RBBP5: variants seen among roughly 807,000 people sequenced by gnomAD.
The protein encoded by RBBP5 is RB binding protein 5, histone lysine methyltransferase complex subunit.
A neutral mutation model predicts 72.2 loss-of-function variants in RBBP5; 5 were observed. That is an observed-to-expected ratio of 0.07 (90% CI 0.04 to 0.15). The LOEUF (loss-of-function observed/expected upper bound fraction) is 0.15, where lower values mean the gene tolerates loss of function less well. Ranked by LOEUF, RBBP5 falls within the 10% of genes least tolerant of loss-of-function variation. The pLI, the probability that RBBP5 is intolerant of heterozygous loss-of-function variation, is 1.00. For missense variants in RBBP5, 322 were observed against 652.2 expected, an observed-to-expected ratio of 0.49 and a Z score of 5.51; for synonymous variants, 209 against 237.2, an observed-to-expected ratio of 0.88 and a Z score of 1.09.
At chr1:205,117,391 T>C in intron 1 of RBBP5, among the ~76,000 whole-genome samples, 1 of 151,958 alleles carries the variant, frequency 6.6e-6, no homozygotes, top group East Asian at 2.0e-4. Context: ...GCCCGTGTGG[T>C]GGCTCATGCC....
At chr1:205,115,775 A>C in intron 2 of RBBP5, 83 bp downstream of exon 2, 1 of 1,414,902 alleles carries the variant, frequency 7.1e-7, no homozygotes, top group East Asian at 2.5e-5. Context: ...TCAAAACACA[A>C]GGATCAAAAA....
intron 1 of RBBP5, 178 bp from the exon 2 acceptor site, chr1:205,116,061 C>A: frequency 7.7e-7 from 1 of 1,304,472 alleles, no homozygotes; most frequent in Non-Finnish European, 1.1e-6. Flanking sequence ...TGTTTACTCT[C>A]ATTATCTCGG....
At chr1:205,101,465 G>C in intron 6 of RBBP5, 135 bp downstream of exon 6, 1 of 573,920 alleles carries the variant, frequency 1.7e-6, no homozygotes, top group Non-Finnish European at 2.9e-6. Flanking sequence ...ACCAGATATT[G>C]TAAGTTTCTA....
chr1:205,106,580 AGAGT>A (rs925911544), intron 3 of RBBP5, among the ~76,000 whole-genome samples: 11 of 73,322 alleles, frequency 1.5e-4, no homozygotes, highest in Admixed American at 1.3e-3. Flanking sequence ...CCTAGGCAAC[AGAGT>A]GAGACTCTGT....
intron 10 of RBBP5, 31 bp downstream of exon 10, chr1:205,098,958 G>T: frequency 7.3e-7 from 1 of 1,375,494 alleles, no homozygotes; most frequent in Non-Finnish European, 9.9e-7. Flanking sequence ...TTTCCCTTTA[G>T]GAAATCCTGT....
chr1:205,100,058 T>G lies in RBBP5; in HGVS notation c.759A>C (p.Pro253=). 1 of 1,613,928 alleles carries G rather than the reference T, an allele frequency of 6.2e-7. No individual in the cohort carries two copies. The highest frequency in any genetic ancestry group is 8.5e-7 in the Non-Finnish European group (1 of 1,179,840). ...QKLQDLVNRT[P]WKKCCFSGDG... ...CCCCAGAGAAACAACATTTCTTCCA[T>G]GGGGTCCTAAAGGACAAGGAAAGTA... The change falls in exon 8 of 14, where the codon CCA becomes CCC. Residue 253 remains proline, a synonymous_variant. Coordinates refer to ENST00000264515, the MANE Select transcript of RBBP5 (RefSeq NM_005057.4).
rs1275234856 is a variant in RBBP5, at chr1:205,098,974, AT to A, written c.1096+14del. 6 of 1,485,674 alleles carry A rather than the reference AT, an allele frequency of 4.0e-6. No homozygotes were observed. The South Asian group carries it at 7.9e-5, about 19-fold the overall frequency. The allele number at this position is 1,485,674 out of a possible 1,614,324, so 92.0% of individuals were successfully genotyped here. ...TTCCCTTTAGGAAATCCTGTCTGCA[AT>A]TTAGAAATAGTACCTGTCTGCTCAG... On this transcript the variant is annotated intron_variant, in intron 10 of 13. Coordinates refer to ENST00000264515, the MANE Select transcript of RBBP5 (RefSeq NM_005057.4).
chr1:205,106,461 G>C (rs537155724), intron 3 of RBBP5, among the ~76,000 whole-genome samples: 5 of 152,166 alleles, frequency 3.3e-5, no homozygotes, highest in Non-Finnish European at 5.9e-5. Context: ...GCCGGGCATG[G>C]TGGTGTGCAC....
Position 205,088,447 on chromosome 1 carries a change from G to C in RBBP5, c.*340C>G. ...ATAGGAAATGACATGTCAAAATGAC[G>C]CTGGGTACAATGAAGTTAGATGAGC... On this transcript the variant is annotated 3_prime_UTR_variant, in exon 14 of 14. Transcript: ENST00000264515. 4.3e-6 allele frequency: 1 copy of C among 232,678 alleles called. No individual in the cohort carries two copies. The highest frequency in any genetic ancestry group is 8.3e-6 in the Non-Finnish European group (1 of 120,326). The allele number at this position is 232,678 out of a possible 1,614,324, so 14.4% of individuals were successfully genotyped here.
intron 12 of RBBP5, among the ~76,000 whole-genome samples, chr1:205,095,866 T>C (rs149619796): frequency 5.5e-4 from 84 of 152,174 alleles, no homozygotes; most frequent in African/African-American, 2.0e-3. Flanking sequence ...GGAAAATAAG[T>C]AGTTGCAAAA....
At chr1:205,090,093 A>G (rs1574680814) in intron 13 of RBBP5, among the ~76,000 whole-genome samples, 1 of 152,274 alleles carries the variant, frequency 6.6e-6, no homozygotes, top group Non-Finnish European at 1.5e-5. Flanking sequence ...TCCTCGAGTG[A>G]TCCACCCGCC....
chr1:205,116,334 A>T, intron 1 of RBBP5: 1 of 382,342 alleles, frequency 2.6e-6, no homozygotes, highest in Non-Finnish European at 5.4e-6. Flanking sequence ...TTTAACTTCT[A>T]AATTGGTAAA....
rs60209178 is a variant in RBBP5 at position 205,117,968 on chromosome 1, T to C, written c.20-2085A>G. On this transcript the variant is annotated intron_variant, in intron 1 of 13. Coordinates refer to ENST00000264515, the MANE Select transcript of RBBP5 (RefSeq NM_005057.4). The stretch of plus-strand genomic sequence containing the variant: ...GGGATTACAGGCATGCACTGCCATG[T>C]CCGGCTAATTTTTGTATTTTTAGTA... Among the ~76,000 whole-genome samples, 25 of 151,972 alleles carry C rather than the reference T, an allele frequency of 1.6e-4. No homozygotes were observed. In the South Asian group the frequency reaches 5.2e-3, roughly 32 times the overall value.
chr1:205,114,662 A>G, intron 3 of RBBP5, 127 bp downstream of exon 3: 1 of 938,004 alleles, frequency 1.1e-6, no homozygotes, highest in East Asian at 2.9e-5. Context: ...ATAAACCATG[A>G]TAAACTGTAT....
At chr1:205,113,333 T>C (rs899095362) in intron 3 of RBBP5, among the ~76,000 whole-genome samples, 1 of 151,812 alleles carries the variant, frequency 6.6e-6, no homozygotes, top group Admixed American at 6.6e-5. Flanking sequence ...GGCACTGGAG[T>C]GCAGTGGCAC....
chr1:205,106,126 A>C (rs193169587), intron 3 of RBBP5, among the ~76,000 whole-genome samples: 44 of 152,298 alleles, frequency 2.9e-4, no homozygotes, highest in Non-Finnish European at 4.3e-4. Flanking sequence ...TCCTTCCCAG[A>C]CAGGATGTTA....
intron 1 of RBBP5, among the ~76,000 whole-genome samples, chr1:205,118,778 A>G (rs1464934664): frequency 1.3e-5 from 2 of 152,222 alleles, no homozygotes; most frequent in Non-Finnish European, 2.9e-5. Flanking sequence ...TGTGGTAAAA[A>G]TAAGTTTGAC....
chr1:205,103,779 T>C (rs1473641148), intron 5 of RBBP5, 78 bp downstream of exon 5: 84 of 1,531,812 alleles, frequency 5.5e-5, no homozygotes, highest in Non-Finnish European at 7.0e-5. Context: ...ATAAAAACAA[T>C]TTTCAAAAGA....
At chr1:205,121,519 T>TCC (rs1656736614) in intron 1 of RBBP5, among the ~76,000 whole-genome samples, 1 of 152,188 alleles carries the variant, frequency 6.6e-6, no homozygotes, top group Admixed American at 6.6e-5. Context: ...CAAAGCTTCA[T>TCC]CCCAAGCCTC....
Sources: gnomAD v4.1 joint callset for allele counts (sites outside exome capture counted in the v4.1 genomes callset) on GRCh38, gnomAD v4.1.1 for gene constraint, MANE v1.5 for transcripts, NCBI Gene and HGNC (gene_info 2026-07-23, HGNC 2026-07-21) for gene names.